BTD: variants seen among roughly 807,000 people sequenced by gnomAD.
BTD encodes biocytinase.
BTD carries 13 observed loss-of-function variants against 17.7 expected under a neutral mutation model. The observed-to-expected ratio is 0.74, with a 90% CI of 0.48 to 1.17. The LOEUF is 1.17. Ranked by LOEUF, BTD falls within the 50% of genes most tolerant of loss-of-function variation. The pLI, the probability that BTD is intolerant of heterozygous loss-of-function variation, is 0.00. For synonymous variants in BTD, 240 were observed against 245.2 expected, an observed-to-expected ratio of 0.98 and a Z score of 0.20; for missense variants, 674 against 650.4, an observed-to-expected ratio of 1.04 and a Z score of -0.39.
chr3:15,606,505 CT>C (rs1482241633), intron 1 of BTD: 3 of 152,194 alleles, frequency 2.0e-5, no homozygotes, highest in Non-Finnish European at 4.4e-5. Context: ...ACTGGGCCTA[CT>C]TCTGTGTCAA....
Position 15,647,903 on chromosome 3 carries a change from A to G in BTD, c.*2415A>G, listed in dbSNP as rs2065730945. The stretch of plus-strand genomic sequence containing the variant: ...TAAAAGCCCTGTTCTTAGAGAGGAA[A>G]AAACCAGGCCTCCTCACAGACTGCC... On this transcript the variant is annotated 3_prime_UTR_variant, in exon 4 of 4. Transcript: ENST00000643237. Among the ~76,000 whole-genome samples, 1 of 152,194 alleles carries G rather than the reference A, an allele frequency of 6.6e-6. No homozygotes were observed. Among genetic ancestry groups the G allele is most frequent in the Non-Finnish European group, 1.5e-5 (1 of 68,032 alleles).
intron 1 of BTD, chr3:15,602,142 A>G: frequency 7.0e-7 from 1 of 1,419,772 alleles, no homozygotes; most frequent in Non-Finnish European, 9.2e-7. Flanking sequence ...TATAGTCCTT[A>G]AATTATTGTA....
chr3:15,627,566 G>A (rs1331304925), intron 1 of BTD, among the ~76,000 whole-genome samples: 1 of 152,090 alleles, frequency 6.6e-6, no homozygotes, highest in Admixed American at 6.5e-5. Context: ...CTAAATATAT[G>A]CCTCTTGGCC....
downstream of BTD, among the ~76,000 whole-genome samples, chr3:15,658,334 C>T (rs894467247): frequency 1.3e-5 from 2 of 152,138 alleles, no homozygotes; most frequent in Non-Finnish European, 2.9e-5. Flanking sequence ...TTTCAGCCCC[C>T]TGATGGCTAT....
intron 3 of BTD, among the ~76,000 whole-genome samples, chr3:15,660,375 A>G (rs2065910640): frequency 6.6e-6 from 1 of 152,168 alleles, no homozygotes; most frequent in African/African-American, 2.4e-5. Flanking sequence ...GGGAATTACA[A>G]CTCAGGAAAA....
chr3:15,645,154 T>C lies in BTD; in HGVS notation c.1238T>C (p.Leu413Ser). ...CCYLLYERPT[L>S]SKELYALGVF... is the part of the protein sequence containing the mutation. ...TATTTACTTTACGAGAGGCCCACCT[T>C]ATCCAAAGAGCTGTATGCCCTGGGG... The change falls in exon 4 of 4, where the codon TTA (leucine) becomes TCA (serine). Residue 413 changes from leucine (L) to serine (S), a missense_variant. Transcript: ENST00000643237. The C allele has an allele frequency of 2.5e-6, 4 of 1,614,188 alleles. No homozygotes were observed. The South Asian group carries it at 3.3e-5, about 13-fold the overall frequency.
intron 3 of BTD, among the ~76,000 whole-genome samples, chr3:15,707,596 T>C (rs2071630765): frequency 6.6e-6 from 1 of 152,114 alleles, no homozygotes; most frequent in Admixed American, 6.6e-5. Flanking sequence ...CCTTTCCCCA[T>C]GATATAGTCA....
At chr3:15,705,385 G>A (rs2071217135) in intron 3 of BTD, among the ~76,000 whole-genome samples, 1 of 152,124 alleles carries the variant, frequency 6.6e-6, no homozygotes. Context: ...GGATCAAAGT[G>A]TAATCTTTTT....
Position 15,651,369 on chromosome 3 carries a change from CA to C in BTD, c.*5882del, listed in dbSNP as rs1210413816. On this transcript the variant is annotated 3_prime_UTR_variant, in exon 4 of 4. Transcript: ENST00000643237. ...ATCTTGATTGAGGAGATCTTAAGAA[CA>C]GAGTGATTTACACAGCTGTGGGCAG... Among the ~76,000 whole-genome samples, 1 of 152,210 alleles carries C rather than the reference CA, an allele frequency of 6.6e-6. No individual in the cohort carries two copies. Among genetic ancestry groups the C allele is most frequent in the African/African-American group, 2.4e-5 (1 of 41,456 alleles).
intron 3 of BTD, among the ~76,000 whole-genome samples, chr3:15,699,466 T>C (rs893573362): frequency 1.3e-5 from 2 of 152,150 alleles, no homozygotes; most frequent in Admixed American, 1.3e-4. Flanking sequence ...ATCTACAGAA[T>C]GGGAGAAAAT....
At chr3:15,621,681 C>G (rs1379952444) in intron 1 of BTD, among the ~76,000 whole-genome samples, 1 of 151,948 alleles carries the variant, frequency 6.6e-6, no homozygotes, top group Non-Finnish European at 1.5e-5. Context: ...CTCACTGCAA[C>G]CTCTGCCTCC....
At chr3:15,622,306 C>A (rs564064828) in intron 1 of BTD, among the ~76,000 whole-genome samples, 5 of 152,004 alleles carry the variant, frequency 3.3e-5, no homozygotes, top group Non-Finnish European at 7.4e-5. Flanking sequence ...CTTTTCTGAC[C>A]CATTTGTTAT....
rs1033174378 is a variant in BTD, at chr3:15,653,238, C to T, written c.*7750C>T. Among the ~76,000 whole-genome samples, 3 of 152,270 alleles carry T rather than the reference C, an allele frequency of 2.0e-5. No homozygotes were observed. The highest frequency in any genetic ancestry group is 4.4e-5 in the Non-Finnish European group (3 of 68,054). On this transcript the variant is annotated 3_prime_UTR_variant, in exon 4 of 4. Transcript: ENST00000643237. ...CCCATCAATCTGTGTTTAACAAGTC[C>T]TCCAGGTGATTCCGATCCTAATCAA... is the stretch of plus-strand genomic sequence containing the variant.
chr3:15,611,890 A>G (rs2064646310), intron 1 of BTD, among the ~76,000 whole-genome samples: 1 of 151,922 alleles, frequency 6.6e-6, no homozygotes, highest in South Asian at 2.1e-4. Context: ...TTTAAAAAAA[A>G]TTCTTCTGCA....
chr3:15,686,248 T>C, intron 3 of BTD: 1 of 1,593,768 alleles, frequency 6.3e-7, no homozygotes, highest in Non-Finnish European at 8.6e-7. Flanking sequence ...GAATATCCAC[T>C]GCATTCTGTG....
intron 3 of BTD, among the ~76,000 whole-genome samples, chr3:15,643,287 G>A (rs2065587681): frequency 6.6e-6 from 1 of 152,158 alleles, no homozygotes; most frequent in Admixed American, 6.5e-5. Flanking sequence ...GATAGCTTGA[G>A]CTCATGAGTT....
intron 1 of BTD, among the ~76,000 whole-genome samples, chr3:15,618,170 C>T (rs932691281): frequency 1.3e-5 from 2 of 152,176 alleles, no homozygotes; most frequent in African/African-American, 4.8e-5. Context: ...CTCTATTTTG[C>T]CCAGGCTGGT....
At chr3:15,637,690 T>C (rs2125464103) in intron 2 of BTD, among the ~76,000 whole-genome samples, 1 of 152,364 alleles carries the variant, frequency 6.6e-6, no homozygotes, top group East Asian at 1.9e-4. Flanking sequence ...AGGCATTCTC[T>C]TGATAGAGAT....
In BTD at chr3:15,601,820, G is replaced by C. The variant is rs2064253702; in HGVS notation, c.-91G>C. Reference sequence around the variant, plus strand: ...CTCGCCATTGTCTCCGAGTCGGCCAGCTGGAGCGTTTTCGGGGCTGTAAAG... The same window carrying C: ...CTCGCCATTGTCTCCGAGTCGGCCACCTGGAGCGTTTTCGGGGCTGTAAAG... On this transcript the variant is annotated 5_prime_UTR_variant, in exon 1 of 4. Coordinates refer to ENST00000643237, the MANE Select transcript of BTD (RefSeq NM_001370658.1). The C allele has an allele frequency of 6.2e-7, 1 of 1,614,234 alleles. No individual in the cohort carries two copies. The highest frequency in any genetic ancestry group is 8.5e-7 in the Non-Finnish European group (1 of 1,180,044).
Sources: allele counts gnomAD v4.1 joint callset (sites outside exome capture counted in the v4.1 genomes callset), GRCh38; gene constraint gnomAD v4.1.1; transcripts MANE v1.5; gene names NCBI Gene and HGNC (gene_info 2026-07-23, HGNC 2026-07-21).